The following NEAT1 variants were observed in gnomAD, a reference collection of about 807,000 sequenced individuals.
The protein encoded by NEAT1 is nuclear paraspeckle assembly transcript 1.
At chr11:65,429,409 C>T (rs923203358) in exon 1 of NEAT1, 5 of 152,198 alleles carry the variant, frequency 3.3e-5, no homozygotes, top group African/African-American at 1.2e-4. Context: ...AGTCTGCTTT[C>T]CCTCTGGATG....
exon 1 of NEAT1, chr11:65,440,170 A>G (rs1308330191): frequency 1.3e-5 from 2 of 152,046 alleles, no homozygotes; most frequent in Non-Finnish European, 2.9e-5. Flanking sequence ...GTCTTTTGAG[A>G]TGAGTATCAG....
chr11:65,422,882 G>A (rs1856511629), exon 1 of NEAT1: 1 of 152,714 alleles, frequency 6.5e-6, no homozygotes, highest in African/African-American at 2.4e-5. Context: ...GGACAGACAG[G>A]GAGAGATGAC....
At chr11:65,437,877 C>T (rs1856675831) in exon 1 of NEAT1, 1 of 152,170 alleles carries the variant, frequency 6.6e-6, no homozygotes, top group African/African-American at 2.4e-5. Flanking sequence ...GTTCAGTGGT[C>T]TTTGCAGTTG....
chr11:65,437,216 T>TATATATATATAC (rs1349427634), exon 1 of NEAT1: 21 of 142,826 alleles, frequency 1.5e-4, no homozygotes, highest in Admixed American at 5.6e-4. Flanking sequence ...TATATGTATA[T>TATATATATATAC]ATATATATAT....
exon 1 of NEAT1, chr11:65,425,187 C>CT (rs1856548686): frequency 6.6e-6 from 1 of 152,084 alleles, no homozygotes; most frequent in Non-Finnish European, 1.5e-5. Context: ...GTGCTTAGAA[C>CT]TTTAAGTGCA....
exon 1 of NEAT1, chr11:65,425,326 T>A (rs1856550431): frequency 6.6e-6 from 1 of 152,092 alleles, no homozygotes; most frequent in Non-Finnish European, 1.5e-5. Context: ...GGGTGTGTGA[T>A]GCCATCTCAC....
chr11:65,426,664 A>G (rs563801671), exon 1 of NEAT1: 2 of 152,328 alleles, frequency 1.3e-5, no homozygotes, highest in Admixed American at 6.5e-5. Context: ...GTAGGAGAGC[A>G]TGGTAACCAC....
At chr11:65,424,103 A>T (rs1856535785) in exon 1 of NEAT1, 1 of 152,318 alleles carries the variant, frequency 6.6e-6, no homozygotes, top group Admixed American at 6.5e-5. Flanking sequence ...GAGGCTTAGG[A>T]GGAGGAAGTT....
exon 1 of NEAT1, chr11:65,443,454 T>G (rs1393737723): frequency 6.6e-6 from 1 of 152,272 alleles, no homozygotes; most frequent in Non-Finnish European, 1.5e-5. Flanking sequence ...TCTTTTCTGC[T>G]TTCTGCCCAT....
At chr11:65,439,261 C>A (rs567573581) in exon 1 of NEAT1, 1 of 152,188 alleles carries the variant, frequency 6.6e-6, no homozygotes, top group Admixed American at 6.5e-5. Context: ...TGTAAGAGTT[C>A]TTTATATATT....
At chr11:65,439,228 C>T (rs1051568694) in exon 1 of NEAT1, 4 of 152,142 alleles carry the variant, frequency 2.6e-5, no homozygotes, top group Admixed American at 2.6e-4. Context: ...TTTAATTAGG[C>T]GTTTGTCTTT....
chr11:65,444,887 G>C, exon 1 of NEAT1: 1 of 232,756 alleles, frequency 4.3e-6, no homozygotes, highest in Non-Finnish European at 8.7e-6. Flanking sequence ...GCAGGCGGGC[G>C]TCTGCGTGAC....
exon 1 of NEAT1, chr11:65,430,746 T>C (rs985599101): frequency 7.9e-5 from 12 of 152,318 alleles, no homozygotes; most frequent in East Asian, 1.9e-4. Flanking sequence ...TGAGCACTTA[T>C]GGTTTTATAA....
At chr11:65,428,061 G>A (rs1277761465) in exon 1 of NEAT1, 1 of 152,180 alleles carries the variant, frequency 6.6e-6, no homozygotes, top group Admixed American at 6.5e-5. Context: ...TTTATCCTCA[G>A]ATCAGGTGAG....
At chr11:65,429,025 A>G (rs1052914467) in exon 1 of NEAT1, 1 of 152,358 alleles carries the variant, frequency 6.6e-6, no homozygotes, top group South Asian at 2.1e-4. Flanking sequence ...TTTAATATAT[A>G]GTGAACACCT....
exon 1 of NEAT1, chr11:65,438,211 T>C (rs533695079): frequency 6.6e-6 from 1 of 152,290 alleles, no homozygotes; most frequent in South Asian, 2.1e-4. Flanking sequence ...GGCAGCCTTT[T>C]TCATGTCACC....
At chr11:65,437,220 TATATATAC>T (rs1300768672) in exon 1 of NEAT1, 71 of 142,820 alleles carry the variant, frequency 5.0e-4, no homozygotes, top group Middle Eastern at 3.6e-3. Flanking sequence ...TGTATATATA[TATATATAC>T]ATATATATAT....
At chr11:65,429,633 T>C (rs1250743634) in exon 1 of NEAT1, 1 of 152,184 alleles carries the variant, frequency 6.6e-6, no homozygotes, top group African/African-American at 2.4e-5. Flanking sequence ...TTTTCCAGTT[T>C]ATAGGTTGCC....
chr11:65,433,154 T>G (rs1856627968), exon 1 of NEAT1: 1 of 152,224 alleles, frequency 6.6e-6, no homozygotes, highest in Non-Finnish European at 1.5e-5. Context: ...TGTACTGCCA[T>G]CAAGTGTCTT....
Sources: gnomAD v4.1 joint callset for allele counts on GRCh38, gnomAD v4.1.1 for gene constraint, MANE v1.5 for transcripts, NCBI Gene and HGNC (gene_info 2026-07-23, HGNC 2026-07-21) for gene names.